Variants in DCC observed in about 807,000 individuals in gnomAD.
The protein encoded by DCC is netrin receptor DCC.
In DCC, 58 loss-of-function variants were observed where a neutral mutation model predicts 172.5. That is an observed-to-expected ratio of 0.34 (90% CI 0.27 to 0.42). The LOEUF is 0.42. Among genes scored for constraint, DCC ranks in the 10% least tolerant of loss-of-function variants. The pLI is 1.00. For synonymous variants in DCC, 709 were observed against 644.5 expected (o/e 1.10, Z -1.52); for missense variants, 1,740 against 1,791.0 (o/e 0.97, Z 0.51).
intron 15 of DCC, among the ~76,000 whole-genome samples, chr18:53,351,713 T>A (rs1244336221): frequency 6.6e-6 from 1 of 151,486 alleles, no homozygotes; most frequent in East Asian, 1.9e-4. Context: ...AATAATTTTC[T>A]TCATCATCTC....
At chr18:52,359,720 C>G (rs751676118) in intron 1 of DCC, among the ~76,000 whole-genome samples, 1 of 152,274 alleles carries the variant, frequency 6.6e-6, no homozygotes, top group South Asian at 2.1e-4. Flanking sequence ...TTCTAGACTT[C>G]TTTTTATGCT....
At position 53,063,296 on chromosome 18, in the gene DCC, T is replaced by C. The variant is rs1466825756; in HGVS notation, c.986-9T>C. 6.2e-7 allele frequency: 1 copy of C among 1,613,094 alleles called. No homozygotes were observed. The highest frequency in any genetic ancestry group is 1.7e-5 in the Admixed American group (1 of 59,968). On this transcript the variant is annotated splice_polypyrimidine_tract_variant and intron_variant, in intron 5 of 28. Coordinates refer to ENST00000442544, the MANE Select transcript of DCC (RefSeq NM_005215.4). ...CCACTCACTCACTTTTTTTTTTCTGTCTTTGCAGTTCCGCCATGGTTTTTA... is the reference window on the plus strand; with the variant it reads ...CCACTCACTCACTTTTTTTTTTCTGCCTTTGCAGTTCCGCCATGGTTTTTA...
At chr18:52,607,971 G>T (rs1049749796) in intron 1 of DCC, among the ~76,000 whole-genome samples, 4 of 152,164 alleles carry the variant, frequency 2.6e-5, no homozygotes, top group African/African-American at 4.8e-5. Flanking sequence ...GGGCATAAAT[G>T]TAGGAATGAT....
At chr18:52,458,241 G>A (rs1024494935) in intron 1 of DCC, among the ~76,000 whole-genome samples, 1 of 152,000 alleles carries the variant, frequency 6.6e-6, no homozygotes, top group Non-Finnish European at 1.5e-5. Flanking sequence ...CTGCCCCTGG[G>A]GCACCTCCAC....
At chr18:52,691,703 A>G (rs1394279947) in intron 1 of DCC, among the ~76,000 whole-genome samples, 2 of 152,118 alleles carry the variant, frequency 1.3e-5, no homozygotes, top group African/African-American at 2.4e-5. Flanking sequence ...TCTGTCTCCA[A>G]ATAAGTTTAT....
intron 15 of DCC, among the ~76,000 whole-genome samples, chr18:53,378,350 T>C (rs890332822): frequency 5.3e-5 from 8 of 152,190 alleles, no homozygotes; most frequent in African/African-American, 1.9e-4. Flanking sequence ...TTATGTACTC[T>C]AGAGAGCTTA....
intron 1 of DCC, among the ~76,000 whole-genome samples, chr18:52,448,374 T>C (rs901426134): frequency 6.6e-6 from 1 of 152,184 alleles, no homozygotes; most frequent in East Asian, 1.9e-4. Flanking sequence ...ACCTTGAAGA[T>C]AGAATAATGC....
chr18:53,143,493 G>A (rs1279284885), intron 7 of DCC, among the ~76,000 whole-genome samples: 1 of 152,206 alleles, frequency 6.6e-6, no homozygotes, highest in Non-Finnish European at 1.5e-5. Context: ...TTTGGCTCAT[G>A]ACATAGCTGG....
intron 2 of DCC, among the ~76,000 whole-genome samples, chr18:52,901,117 A>G (rs2039803101): frequency 6.6e-6 from 1 of 152,152 alleles, no homozygotes; most frequent in Non-Finnish European, 1.5e-5. Context: ...AAGTATAATA[A>G]TTCAGTACTA....
At chr18:52,881,499 C>T (rs1568165589) in intron 2 of DCC, among the ~76,000 whole-genome samples, 1 of 152,142 alleles carries the variant, frequency 6.6e-6, no homozygotes. Context: ...ACATTTAAGT[C>T]TTTAATCCAT....
intron 1 of DCC, among the ~76,000 whole-genome samples, chr18:52,625,482 T>C (rs1477898013): frequency 6.6e-6 from 1 of 152,192 alleles, no homozygotes; most frequent in Non-Finnish European, 1.5e-5. Context: ...ATTTGGGAAC[T>C]ATAGTCCTAG....
At chr18:52,469,999 T>C (rs540320764) in intron 1 of DCC, among the ~76,000 whole-genome samples, 2 of 152,340 alleles carry the variant, frequency 1.3e-5, no homozygotes, top group East Asian at 3.9e-4. Context: ...GAAGCAGAGC[T>C]TGGTCTTATG....
At chr18:53,074,054 A>T (rs2042691193) in intron 7 of DCC, among the ~76,000 whole-genome samples, 1 of 152,144 alleles carries the variant, frequency 6.6e-6, no homozygotes, top group African/African-American at 2.4e-5. Context: ...TTTCAGTGTA[A>T]TAGCACCTAA....
At chr18:52,763,377 TA>T (rs1218094663) in intron 2 of DCC, among the ~76,000 whole-genome samples, 3 of 152,210 alleles carry the variant, frequency 2.0e-5, no homozygotes, top group Non-Finnish European at 4.4e-5. Flanking sequence ...AAACATGACA[TA>T]AAAAATAATT....
rs141217064 is a variant in DCC at position 53,196,108 on chromosome 18, A to G, written c.1574-9108A>G. 7.2e-5 allele frequency among the ~76,000 whole-genome samples: 11 copies of G among 152,328 alleles called. No homozygotes were observed. In the East Asian group the frequency reaches 9.6e-4, roughly 13 times the overall value. On this transcript the variant is annotated intron_variant, in intron 9 of 28. Coordinates refer to ENST00000442544, the MANE Select transcript of DCC (RefSeq NM_005215.4). Reference sequence around the variant, plus strand: ...TTTTTAAGTCAGTGTGATTAGGTGTATATGACATCAAGCTGTCAGTAATGT... The same window carrying G: ...TTTTTAAGTCAGTGTGATTAGGTGTGTATGACATCAAGCTGTCAGTAATGT...
At chr18:52,383,550 G>A (rs566405552) in intron 1 of DCC, among the ~76,000 whole-genome samples, 2 of 151,848 alleles carry the variant, frequency 1.3e-5, no homozygotes, top group East Asian at 1.9e-4. Flanking sequence ...TATTATTTTT[G>A]TTATATTAGT....
chr18:52,974,681 C>T (rs140755998), intron 5 of DCC, among the ~76,000 whole-genome samples: 208 of 152,294 alleles, frequency 1.4e-3, no homozygotes, highest in Non-Finnish European at 2.5e-3. Context: ...GTATGTTACC[C>T]TGTCATTTTC....
chr18:53,377,352 TGAGAGAGA>T (rs59629030), intron 15 of DCC, among the ~76,000 whole-genome samples: 63,826 of 137,374 alleles, frequency 0.46, 14,876 homozygotes, highest in Non-Finnish European at 0.55. Context: ...AAGATGCATT[TGAGAGAGA>T]GAGAGAGAGA....
intron 7 of DCC, among the ~76,000 whole-genome samples, chr18:53,144,256 ATT>A (rs1272368969): frequency 6.6e-6 from 1 of 152,082 alleles, no homozygotes; most frequent in Non-Finnish European, 1.5e-5. Context: ...ATTTATCAAT[ATT>A]TCTTTTCATG....
Sources: gnomAD v4.1 joint callset for allele counts (sites outside exome capture counted in the v4.1 genomes callset) on GRCh38, gnomAD v4.1.1 for gene constraint, MANE v1.5 for transcripts, NCBI Gene and HGNC (gene_info 2026-07-23, HGNC 2026-07-21) for gene names.